Variants in PDE5A observed in about 807,000 individuals in gnomAD.
PDE5A encodes cGMP-specific 3',5'-cyclic phosphodiesterase.
PDE5A carries 67 observed loss-of-function variants against 110.2 expected under a neutral mutation model. The ratio of observed to expected loss-of-function variants is 0.61; its 90% CI spans 0.50 to 0.75. The LOEUF (loss-of-function observed/expected upper bound fraction) is 0.75, where lower values mean the gene tolerates loss of function less well. Among genes scored for constraint, PDE5A ranks in the 30% least tolerant of loss-of-function variants. The probability of loss-of-function intolerance (pLI) is 0.00; values close to 1 mark genes in which losing one functional copy is unlikely to be tolerated. For missense variants in PDE5A, 862 were observed against 1,045.1 expected, an observed-to-expected ratio of 0.82 and a Z score of 2.42; for synonymous variants, 328 against 351.2, an observed-to-expected ratio of 0.93 and a Z score of 0.74.
At chr4:119,536,316 T>C (rs954706803) in intron 11 of PDE5A, among the ~76,000 whole-genome samples, 31 of 152,252 alleles carry the variant, frequency 2.0e-4, no homozygotes, top group African/African-American at 5.8e-4. Flanking sequence ...GAACAACACA[T>C]ATAATGATAG....
At chr4:119,562,347 T>C (rs1013987464) in intron 6 of PDE5A, among the ~76,000 whole-genome samples, 6 of 152,238 alleles carry the variant, frequency 3.9e-5, no homozygotes, top group Non-Finnish European at 8.8e-5. Context: ...ATGGGACTTA[T>C]GGGGACCATT....
intron 1 of PDE5A, among the ~76,000 whole-genome samples, chr4:119,621,893 G>A (rs1487553206): frequency 1.3e-5 from 2 of 152,118 alleles, no homozygotes; most frequent in Admixed American, 6.5e-5. Context: ...GAGATTGGCC[G>A]GGCGCGGTGG....
At chr4:119,628,168 T>C (rs1330403763) in intron 1 of PDE5A, 2 of 354,092 alleles carry the variant, frequency 5.6e-6, no homozygotes, top group Non-Finnish European at 8.0e-6. Context: ...AGAAACTGTT[T>C]GGGTTTTGCT....
At chr4:119,586,571 C>A (rs563297875) in intron 3 of PDE5A, among the ~76,000 whole-genome samples, 1 of 152,114 alleles carries the variant, frequency 6.6e-6, no homozygotes. Flanking sequence ...TACATGAAAA[C>A]ATGAAAATTA....
At chr4:119,547,282 T>G (rs1310529053) in intron 9 of PDE5A, among the ~76,000 whole-genome samples, 1 of 151,964 alleles carries the variant, frequency 6.6e-6, no homozygotes, top group East Asian at 1.9e-4. Context: ...AAAATGTCTT[T>G]GATATCTGTA....
intron 7 of PDE5A, 54 bp downstream of exon 7, chr4:119,560,242 T>C (rs1225832717): frequency 1.0e-6 from 1 of 989,876 alleles, no homozygotes; most frequent in Admixed American, 2.3e-5. Flanking sequence ...GAAATAACTA[T>C]TTAGCCAATA....
chr4:119,535,322 G>A (rs752809087), intron 11 of PDE5A, among the ~76,000 whole-genome samples: 10 of 152,004 alleles, frequency 6.6e-5, no homozygotes, highest in Non-Finnish European at 1.2e-4. Context: ...TTTAGGCACC[G>A]GATAAGAGAA....
At chr4:119,624,953 T>C (rs571721226) in intron 1 of PDE5A, among the ~76,000 whole-genome samples, 2 of 152,280 alleles carry the variant, frequency 1.3e-5, no homozygotes, top group East Asian at 1.9e-4. Flanking sequence ...AATCATTCAA[T>C]TGACACCTTC....
intron 15 of PDE5A, among the ~76,000 whole-genome samples, 160 bp downstream of exon 15, chr4:119,510,887 T>C (rs1331046968): frequency 6.6e-6 from 1 of 152,172 alleles, no homozygotes; most frequent in African/African-American, 2.4e-5. Context: ...GAAGTGAGGC[T>C]GTGAGGATCT....
chr4:119,572,169 G>A (rs931776486), intron 3 of PDE5A, among the ~76,000 whole-genome samples: 4 of 152,150 alleles, frequency 2.6e-5, no homozygotes, highest in African/African-American at 9.7e-5. Context: ...ATACGAGGCA[G>A]GGTATTCCTT....
At chr4:119,506,544 G>T (rs1424269310) in intron 16 of PDE5A, among the ~76,000 whole-genome samples, 2 of 151,750 alleles carry the variant, frequency 1.3e-5, no homozygotes, top group African/African-American at 4.8e-5. Flanking sequence ...CAAGACTCAA[G>T]AAAAACTTAC....
chr4:119,604,786 T>G (rs1429470019), intron 2 of PDE5A, among the ~76,000 whole-genome samples: 1 of 152,168 alleles, frequency 6.6e-6, no homozygotes. Context: ...TCCCTTCACT[T>G]GCATCTCCTG....
intron 7 of PDE5A, among the ~76,000 whole-genome samples, chr4:119,559,563 C>T (rs1727671175): frequency 6.6e-6 from 1 of 151,944 alleles, no homozygotes; most frequent in African/African-American, 2.4e-5. Flanking sequence ...TATGTCCTAC[C>T]TAGAAACTTT....
Position 119,505,855 on chromosome 4 carries a change from A to G in PDE5A, c.2267T>C (p.Leu756Ser). 6.5e-7 allele frequency: 1 copy of G among 1,545,762 alleles called. No individual in the cohort carries two copies. The highest frequency in any genetic ancestry group is 1.4e-5 in the African/African-American group (1 of 71,590). ...LEDPHQKELFLAMLMTACDLS... is the reference protein window; with the variant it reads ...LEDPHQKELFSAMLMTACDLS... Reference sequence around the variant, plus strand: ...CTTTAAAGATAGTAAACCTACTTACAAAAACAACTCCTTTTGATGAGGATC... The same window carrying G: ...CTTTAAAGATAGTAAACCTACTTACGAAAACAACTCCTTTTGATGAGGATC... Residue 756 changes from leucine to serine, a missense_variant and splice_region_variant, in exon 17 of 21, where the codon TTG (leucine) becomes TCG (serine). Physicochemically the swap from Leu to Ser is moderately radical, Grantham distance 145. Coordinates refer to ENST00000354960, the MANE Select transcript of PDE5A (RefSeq NM_001083.4).
At position 119,560,424 on chromosome 4, in the gene PDE5A, T is replaced by C. The variant is rs985229665; in HGVS notation, c.1132-61A>G. 11 of 1,010,806 alleles carry C rather than the reference T, an allele frequency of 1.1e-5. No homozygotes were observed. In the African/African-American group the frequency reaches 1.5e-4, roughly 13 times the overall value. 62.6% of individuals were successfully genotyped at this position (1,010,806 alleles called of 1,614,324 possible). A position where few individuals can be genotyped will look rare whatever the true frequency, so the allele number is the denominator to read the frequency against. ...GACAAGGTAATGAAAACTATCTAGA[T>C]ACAGACATACATGCTATGGAATTGA... is the stretch of plus-strand genomic sequence containing the variant. On this transcript the variant is annotated intron_variant, in intron 6 of 20. Coordinates refer to ENST00000354960, the MANE Select transcript of PDE5A (RefSeq NM_001083.4).
intron 3 of PDE5A, among the ~76,000 whole-genome samples, chr4:119,589,940 T>G (rs2110530096): frequency 6.6e-6 from 1 of 152,202 alleles, no homozygotes; most frequent in South Asian, 2.1e-4. Flanking sequence ...TACCTTCCAC[T>G]CCAACAAAAT....
intron 3 of PDE5A, among the ~76,000 whole-genome samples, chr4:119,574,217 CTGT>C (rs1298597304): frequency 3.4e-5 from 4 of 118,734 alleles, no homozygotes; most frequent in Non-Finnish European, 6.5e-5. Flanking sequence ...GAGTCTCACT[CTGT>C]CGCCCAGGCT....
intron 3 of PDE5A, among the ~76,000 whole-genome samples, chr4:119,567,554 A>G (rs1263647876): frequency 2.6e-5 from 4 of 152,188 alleles, no homozygotes; most frequent in Non-Finnish European, 4.4e-5. Flanking sequence ...AAACGGCTAA[A>G]TGCTCTTTTA....
intron 3 of PDE5A, among the ~76,000 whole-genome samples, chr4:119,568,279 G>A (rs1367812209): frequency 6.6e-6 from 1 of 152,024 alleles, no homozygotes; most frequent in Admixed American, 6.6e-5. Context: ...GAAAAGAGTG[G>A]CAGATTTCTA....
Sources: gnomAD v4.1 joint callset for allele counts (sites outside exome capture counted in the v4.1 genomes callset) on GRCh38, gnomAD v4.1.1 for gene constraint, MANE v1.5 for transcripts, NCBI Gene and HGNC (gene_info 2026-07-23, HGNC 2026-07-21) for gene names.